The following ZBTB44 variants were observed in gnomAD, a reference collection of about 807,000 sequenced individuals.
ZBTB44 encodes zinc finger and BTB domain containing 44, also known as zinc finger and BTB domain-containing protein 44.
In ZBTB44, 15 loss-of-function variants were observed where a neutral mutation model predicts 54.0. The ratio of observed to expected loss-of-function variants is 0.28; its 90% CI spans 0.19 to 0.43. ZBTB44 has a LOEUF of 0.43. ZBTB44 is among the 20% of genes least tolerant of loss of function. The probability of loss-of-function intolerance (pLI) is 1.00; values close to 1 mark genes in which losing one functional copy is unlikely to be tolerated. For synonymous variants in ZBTB44, 230 were observed against 250.1 expected (o/e 0.92, Z 0.76); for missense variants, 487 against 707.1 (o/e 0.69, Z 3.53).
intron 1 of ZBTB44, among the ~76,000 whole-genome samples, chr11:130,293,682 G>A (rs1293432475): frequency 6.6e-6 from 1 of 151,362 alleles, no homozygotes; most frequent in Non-Finnish European, 1.5e-5. Context: ...CGTCATCTCA[G>A]CTACTTGGGA....
At chr11:130,279,447 C>T (rs1361834110) in intron 1 of ZBTB44, among the ~76,000 whole-genome samples, 1 of 152,034 alleles carries the variant, frequency 6.6e-6, no homozygotes, top group Non-Finnish European at 1.5e-5. Flanking sequence ...TCACTTGAGG[C>T]CAGGAGTTCG....
intron 1 of ZBTB44, chr11:130,296,350 G>GT: frequency 1.3e-6 from 2 of 1,539,270 alleles, no homozygotes. Context: ...TTTTCATCTT[G>GT]TATGTCCGTG....
chr11:130,264,157 CAT>C (rs1939078546), intron 1 of ZBTB44, among the ~76,000 whole-genome samples: 2 of 152,306 alleles, frequency 1.3e-5, no homozygotes, highest in Admixed American at 6.5e-5. Context: ...CAACACACCT[CAT>C]AGAGTTCTGA....
intron 1 of ZBTB44, among the ~76,000 whole-genome samples, chr11:130,309,595 TG>T (rs1200515723): frequency 6.6e-6 from 1 of 152,120 alleles, no homozygotes; most frequent in Non-Finnish European, 1.5e-5. Context: ...TGGAGTCACC[TG>T]GGCGCAGTGG....
intron 7 of ZBTB44, chr11:130,233,014 A>G: frequency 5.7e-5 from 16 of 281,780 alleles, no homozygotes; most frequent in East Asian, 1.3e-4. Flanking sequence ...TTAAAAAAAA[A>G]GAAAAAAAAA....
intron 1 of ZBTB44, among the ~76,000 whole-genome samples, chr11:130,275,567 T>C (rs1939999430): frequency 1.3e-5 from 2 of 152,210 alleles, no homozygotes. Context: ...CACATATTTG[T>C]GAGCTTCTCA....
chr11:130,242,197 A>G (rs866166957), intron 2 of ZBTB44, among the ~76,000 whole-genome samples: 1 of 152,118 alleles, frequency 6.6e-6, no homozygotes, highest in Non-Finnish European at 1.5e-5. Flanking sequence ...ATTTCTTTGT[A>G]TTGGTTGCCT....
chr11:130,303,666 A>C (rs1942104963), intron 1 of ZBTB44, among the ~76,000 whole-genome samples: 1 of 152,060 alleles, frequency 6.6e-6, no homozygotes, highest in African/African-American at 2.4e-5. Flanking sequence ...AAAAAAACCC[A>C]AAAAAACACC....
At chr11:130,267,562 G>A (rs1473951296) in intron 1 of ZBTB44, among the ~76,000 whole-genome samples, 4 of 151,746 alleles carry the variant, frequency 2.6e-5, no homozygotes, top group Non-Finnish European at 2.9e-5. Context: ...GTATCACCAC[G>A]CCTGGCTAAT....
intron 1 of ZBTB44, chr11:130,295,658 G>A: frequency 8.3e-7 from 1 of 1,201,604 alleles, no homozygotes; most frequent in Non-Finnish European, 1.2e-6. Flanking sequence ...TTACCAACAT[G>A]ACTGAAATTC....
At chr11:130,307,707 G>A (rs1276380292) in intron 1 of ZBTB44, among the ~76,000 whole-genome samples, 4 of 152,128 alleles carry the variant, frequency 2.6e-5, no homozygotes, top group African/African-American at 7.2e-5. Context: ...CGCTCAGGCT[G>A]GAGGGCAGTG....
chr11:130,288,159 G>A (rs1337311410), intron 1 of ZBTB44, among the ~76,000 whole-genome samples: 1 of 151,876 alleles, frequency 6.6e-6, no homozygotes, highest in African/African-American at 2.4e-5. Context: ...GATCACCTGA[G>A]GTCAGGAGTT....
intron 4 of ZBTB44, among the ~76,000 whole-genome samples, chr11:130,237,505 CCTAT>C (rs1030815603): frequency 6.6e-6 from 1 of 152,100 alleles, no homozygotes. Context: ...CTCTCTGTTC[CCTAT>C]CTCACAGAGA....
intron 2 of ZBTB44, among the ~76,000 whole-genome samples, chr11:130,251,313 C>T (rs1280632563): frequency 1.3e-5 from 2 of 152,206 alleles, no homozygotes; most frequent in South Asian, 2.1e-4. Flanking sequence ...ACCAAACCTA[C>T]GATTGACTGA....
intron 1 of ZBTB44, chr11:130,296,489 A>G: frequency 2.0e-6 from 2 of 1,010,000 alleles, no homozygotes; most frequent in Non-Finnish European, 3.0e-6. Context: ...CACATTGTGT[A>G]CGGATGTGGT....
intron 1 of ZBTB44, among the ~76,000 whole-genome samples, chr11:130,276,297 G>C (rs527284356): frequency 6.6e-6 from 1 of 150,502 alleles, no homozygotes; most frequent in Non-Finnish European, 1.5e-5. Context: ...GTCTATAATG[G>C]AGAATGTTCC....
At chr11:130,264,490 T>C (rs927714089) in intron 1 of ZBTB44, among the ~76,000 whole-genome samples, 7 of 152,130 alleles carry the variant, frequency 4.6e-5, no homozygotes, top group Non-Finnish European at 8.8e-5. Context: ...CTGAAAGTGA[T>C]CAGAACAGTT....
chr11:130,250,267 G>A (rs774307444), intron 2 of ZBTB44, among the ~76,000 whole-genome samples: 41 of 152,220 alleles, frequency 2.7e-4, no homozygotes, highest in Admixed American at 5.9e-4. Flanking sequence ...GCCCCAGTCA[G>A]GGCTTATAGA....
At chr11:130,279,227 A>C (rs898822635) in intron 1 of ZBTB44, among the ~76,000 whole-genome samples, 1 of 151,320 alleles carries the variant, frequency 6.6e-6, no homozygotes, top group Non-Finnish European at 1.5e-5. Context: ...GGGTACGCCC[A>C]CAGTCACCCT....
Sources: gnomAD v4.1 joint callset for allele counts (sites outside exome capture counted in the v4.1 genomes callset) on GRCh38, gnomAD v4.1.1 for gene constraint, MANE v1.5 for transcripts, NCBI Gene and HGNC (gene_info 2026-07-23, HGNC 2026-07-21) for gene names.